SAMD14: variants seen among roughly 807,000 people sequenced by gnomAD.
The protein encoded by SAMD14 is sterile alpha motif domain-containing protein 14.
A neutral mutation model predicts 46.2 loss-of-function variants in SAMD14; 27 were observed. The observed-to-expected ratio is 0.58, with a 90% CI of 0.43 to 0.81. The LOEUF (loss-of-function observed/expected upper bound fraction) is 0.81. SAMD14 is among the 30% of genes least tolerant of loss of function. SAMD14 has a pLI of 0.00. For synonymous variants in SAMD14, 241 were observed against 254.3 expected (o/e 0.95, Z 0.50); for missense variants, 559 against 582.2 (o/e 0.96, Z 0.41).
intron 4 of SAMD14, chr17:50,116,405 T>C: frequency 5.5e-6 from 1 of 181,510 alleles, no homozygotes. Flanking sequence ...GCCAACTTTT[T>C]TTTTTTTTTT....
chr17:50,117,888 G>A (rs1911313501), intron 3 of SAMD14, 193 bp from the exon 4 acceptor site: 12 of 664,428 alleles, frequency 1.8e-5, no homozygotes, highest in Non-Finnish European at 2.6e-5. Context: ...CACACAGGCT[G>A]GGGCTGAATT....
chr17:50,122,971 T>C (rs915939024), intron 2 of SAMD14, among the ~76,000 whole-genome samples: 11 of 151,714 alleles, frequency 7.3e-5, no homozygotes, highest in African/African-American at 2.7e-4. Context: ...GAGGGAGCCC[T>C]CTGTTCCCAG....
chr17:50,118,005 G>A (rs1911320967), intron 3 of SAMD14, 156 bp downstream of exon 3: 2 of 831,914 alleles, frequency 2.4e-6, no homozygotes, highest in East Asian at 2.8e-5. Context: ...GATTAAATGA[G>A]CCAGAAGTGA....
At chr17:50,125,865 T>C (rs771460525) in intron 1 of SAMD14, among the ~76,000 whole-genome samples, 2 of 152,196 alleles carry the variant, frequency 1.3e-5, no homozygotes, top group African/African-American at 2.4e-5. Context: ...CAAACCTCTA[T>C]GATGCAACTA....
chr17:50,114,481 C>A, intron 7 of SAMD14, 175 bp from the exon 8 acceptor site: 1 of 1,586,580 alleles, frequency 6.3e-7, no homozygotes, highest in Middle Eastern at 1.7e-4. Flanking sequence ...GCATCAGGAC[C>A]TGAAGCCTTT....
At position 50,113,939 on chromosome 17, in the gene SAMD14, G is replaced by C; in HGVS notation, c.1083C>G (p.Asp361Glu). ...TCTGACCCACCTTTAGTTTGCTTCC[G>C]TCCAGCTGCAGCAGCTGCGGCCCGT... The part of the protein sequence containing the change: ...QVDGPQLLQL[D>E]GSKLKSLGLS... Residue 361 changes from aspartate (D) to glutamate (E), a missense_variant, in exon 9 of 10, where the codon GAC becomes GAG. Asp to Glu is a conservative substitution (Grantham distance 45). Coordinates refer to ENST00000330175, the MANE Select transcript of SAMD14 (RefSeq NM_001257359.2). 1 of 1,613,816 alleles carries C rather than the reference G, an allele frequency of 6.2e-7. No homozygotes were observed. Among genetic ancestry groups the C allele is most frequent in the African/African-American group, 1.3e-5 (1 of 75,026 alleles).
At chr17:50,118,545 C>T (rs113701481) in intron 2 of SAMD14, among the ~76,000 whole-genome samples, 15 of 152,314 alleles carry the variant, frequency 9.8e-5, no homozygotes, top group Non-Finnish European at 1.9e-4. Context: ...TAAAATACAG[C>T]GCCGTGTGAT....
chr17:50,114,084 G>A lies in SAMD14; in HGVS notation c.943-5C>T, dbSNP rs1445590511. On this transcript the variant is annotated splice_region_variant and splice_polypyrimidine_tract_variant and intron_variant, in intron 8 of 9. Coordinates refer to ENST00000330175, the MANE Select transcript of SAMD14 (RefSeq NM_001257359.2). ...GGGGAGGGGTTCATCCAGGAACTGG[G>A]CAGAGACCAAGGAGAGTGAGGGGGA... 6.2e-7 allele frequency: 1 copy of A among 1,613,680 alleles called. No individual in the cohort carries two copies. Among genetic ancestry groups the A allele is most frequent in the Non-Finnish European group, 8.5e-7 (1 of 1,180,008 alleles).
At position 50,127,460 on chromosome 17, in the gene SAMD14, G is replaced by C. The variant is rs142761310; in HGVS notation, c.-13+2057C>G. On this transcript the variant is annotated intron_variant, in intron 1 of 9. Coordinates refer to ENST00000330175, the MANE Select transcript of SAMD14 (RefSeq NM_001257359.2). ...CTACTAAAAATACAAAATTAGCCGG[G>C]TGTGGTGGCACATTCCTGTAATCCC... is the stretch of plus-strand genomic sequence containing the variant. 4.5e-3 allele frequency among the ~76,000 whole-genome samples: 689 copies of C among 152,218 alleles called. 3 individuals are homozygous for C. Among genetic ancestry groups the C allele is most frequent in the African/African-American group, 0.016 (664 of 41,528 alleles).
At chr17:50,118,963 G>T (rs910094684) in intron 2 of SAMD14, among the ~76,000 whole-genome samples, 4 of 152,252 alleles carry the variant, frequency 2.6e-5, no homozygotes, top group Non-Finnish European at 5.9e-5. Flanking sequence ...CAATGGTCCA[G>T]GATTTGAGCC....
intron 2 of SAMD14, among the ~76,000 whole-genome samples, chr17:50,121,833 GTT>G (rs1347922880): frequency 6.6e-6 from 1 of 152,148 alleles, no homozygotes; most frequent in Admixed American, 6.5e-5. Flanking sequence ...GCTGAAGCCA[GTT>G]CTATCATTTG....
rs935136643 is a variant in SAMD14, at chr17:50,112,051, A to C, written c.*842T>G. 6.6e-6 allele frequency: 1 copy of C among 152,128 alleles called. No homozygotes were observed. Among genetic ancestry groups the C allele is most frequent in the South Asian group, 2.1e-4 (1 of 4,834 alleles). The allele number at this position is 152,128 out of a possible 1,614,324, so 9.4% of individuals were successfully genotyped here. ...GGTGGAAGTGGTGTCCTCTGTCCCT[A>C]TCAGTTCCTGTTTGCTCAGCTCCCA... On this transcript the variant is annotated 3_prime_UTR_variant, in exon 10 of 10. Coordinates refer to ENST00000330175, the MANE Select transcript of SAMD14 (RefSeq NM_001257359.2).
chr17:50,124,942 GA>G lies in SAMD14; in HGVS notation c.17del (p.Leu6ProfsTer66), dbSNP rs1222328933. 1 of 1,614,084 alleles carries G rather than the reference GA, an allele frequency of 6.2e-7. No homozygotes were observed. Among genetic ancestry groups the G allele is most frequent in the South Asian group, 1.1e-5 (1 of 91,070 alleles). On this transcript the variant is annotated frameshift_variant, in exon 2 of 10. Coordinates refer to ENST00000330175, the MANE Select transcript of SAMD14 (RefSeq NM_001257359.2). LOFTEE classifies it high-confidence loss of function. ...CAAAAACTTCATCCACGGGTTCTCG[GA>G]GCTTTGAAGAAGCCATGACTCAAGA... MASSKLREPVDEVFDL... is the reference protein window; with the variant it reads MASSKXREPVDEVFDL...
At chr17:50,127,886 T>C (rs1250062134) in intron 1 of SAMD14, among the ~76,000 whole-genome samples, 1 of 152,162 alleles carries the variant, frequency 6.6e-6, no homozygotes, top group Non-Finnish European at 1.5e-5. Flanking sequence ...CAGGAAGCTG[T>C]CCTAGGTAGC....
chr17:50,117,186 A>AAAGACT (rs1374033099), intron 4 of SAMD14, among the ~76,000 whole-genome samples: 2 of 152,264 alleles, frequency 1.3e-5, no homozygotes, highest in Middle Eastern at 3.4e-3. Flanking sequence ...CTATGATGAT[A>AAAGACT]AAGACTGCAT....
intron 2 of SAMD14, chr17:50,123,991 G>C (rs558537458): frequency 7.0e-4 from 301 of 432,166 alleles, no homozygotes; most frequent in African/African-American, 5.6e-3. Flanking sequence ...GCAGTTCCTG[G>C]CATGACCAGG....
Position 50,117,468 on chromosome 17 carries a change from G to C in SAMD14, c.438C>G (p.Pro146=), listed in dbSNP as rs1369189598. The C allele has an allele frequency of 2.1e-5, 30 of 1,397,412 alleles. No individual in the cohort carries two copies. The highest frequency in any genetic ancestry group is 2.7e-5 in the Non-Finnish European group (29 of 1,083,696). 86.6% of individuals were successfully genotyped at this position (1,397,412 alleles called of 1,614,324 possible). A position where few individuals can be genotyped will look rare whatever the true frequency, so the allele number is the denominator to read the frequency against. Residue 146 remains proline, a synonymous_variant, in exon 4 of 10, where the codon CCC becomes CCG. Transcript: ENST00000330175. ...AASCSPPRSA[P]SSDSSPSFVR... is the part of the protein sequence containing the mutation. Reference sequence around the variant, plus strand: ...CGAAGCTGGGGGAGCTGTCGGAGGAGGGCGCGGAGCGCGGCGGAGAGCAGG... The same window carrying C: ...CGAAGCTGGGGGAGCTGTCGGAGGACGGCGCGGAGCGCGGCGGAGAGCAGG...
At chr17:50,127,842 C>T (rs1911849686) in intron 1 of SAMD14, among the ~76,000 whole-genome samples, 1 of 152,188 alleles carries the variant, frequency 6.6e-6, no homozygotes, top group Admixed American at 6.5e-5. Flanking sequence ...AACCACAAAG[C>T]CTTATCTGGC....
At position 50,110,191 on chromosome 17, in the gene SAMD14, G is replaced by T; in HGVS notation, c.*2702C>A. ...CACCATCCTCCTGGGGGAGCAGGGG[G>T]TGGGTTCTCCCTGATGACCAGGTTC... On this transcript the variant is annotated 3_prime_UTR_variant, in exon 10 of 10. Transcript: ENST00000330175. 1.5e-6 allele frequency: 2 copies of T among 1,373,046 alleles called. No individual in the cohort carries two copies. Among genetic ancestry groups the T allele is most frequent in the East Asian group, 2.6e-5 (1 of 39,212 alleles). The allele number at this position is 1,373,046 out of a possible 1,614,324, so 85.1% of individuals were successfully genotyped here. A position where few individuals can be genotyped will look rare whatever the true frequency, so the allele number is the denominator to read the frequency against.
Sources: gnomAD v4.1 joint callset for allele counts (sites outside exome capture counted in the v4.1 genomes callset) on GRCh38, gnomAD v4.1.1 for gene constraint, MANE v1.5 for transcripts, NCBI Gene and HGNC (gene_info 2026-07-23, HGNC 2026-07-21) for gene names.